The following SPTB variants were observed in gnomAD, a reference collection of about 807,000 sequenced individuals.
The protein encoded by SPTB is spectrin beta chain, erythrocytic.
Under a neutral mutation model 256.2 loss-of-function variants are expected in SPTB, and 45 were observed. The ratio of observed to expected loss-of-function variants is 0.18; its 90% confidence interval spans 0.14 to 0.23. The LOEUF is 0.23. Ranked by LOEUF, SPTB falls within the 10% of genes least tolerant of loss-of-function variation. The pLI, the probability that SPTB is intolerant of heterozygous loss-of-function variation, is 1.00. For missense variants in SPTB, 2,715 were observed against 3,040.4 expected (o/e 0.89, Z 2.52); for synonymous variants, 1,231 against 1,243.1 (o/e 0.99, Z 0.21).
At position 64,775,238 on chromosome 14, in the gene SPTB, G is replaced by A. The variant is rs764330204; in HGVS notation, c.4729C>T (p.Leu1577=). 2 of 1,613,678 alleles carry A rather than the reference G, an allele frequency of 1.2e-6. No homozygotes were observed. The highest frequency in any genetic ancestry group is 1.1e-5 in the South Asian group (1 of 91,086). Residue 1577 remains leucine (L), a synonymous_variant, in exon 23 of 36, where the codon CTG becomes TTG. Coordinates refer to ENST00000644917, the MANE Select transcript of SPTB (RefSeq NM_001355436.2). The surrounding 1 kb of genome is among the most constrained non-coding windows in gnomAD (Gnocchi z 5.0). ...TCGTTGGCGTCCCTCAGTCGCTGCA[G>A]CCTCCCGGCCGCTGCCTCCCGCAGC... is the stretch of plus-strand genomic sequence containing the variant. ...DRLREAAAGR[L]QRLRDANEAQ...
chr14:64,870,056 G>A (rs1882437705), intron 1 of SPTB, among the ~76,000 whole-genome samples: 1 of 152,018 alleles, frequency 6.6e-6, no homozygotes, highest in African/African-American at 2.4e-5. Context: ...CAAGAAGCTT[G>A]AACTAACAGT....
intron 2 of SPTB, among the ~76,000 whole-genome samples, chr14:64,805,904 C>T (rs922126260): frequency 8.5e-5 from 13 of 152,110 alleles, no homozygotes; most frequent in African/African-American, 3.1e-4. Flanking sequence ...GGGCTGTCTG[C>T]GGCTTTACGC....
chr14:64,813,177 T>C (rs1317561171), intron 2 of SPTB, among the ~76,000 whole-genome samples: 2 of 152,236 alleles, frequency 1.3e-5, no homozygotes, highest in Non-Finnish European at 2.9e-5. Context: ...TGGGCATATA[T>C]TGGTTTTATA....
At position 64,795,044 on chromosome 14, in the gene SPTB, A is replaced by G. The variant is rs17102113; in HGVS notation, c.1644+293T>C. On this transcript the variant is annotated intron_variant, in intron 12 of 35. Transcript: ENST00000644917. The surrounding 1 kb of genome is among the most constrained non-coding windows in gnomAD (Gnocchi z 6.5). Reference sequence around the variant, plus strand: ...AAGAGCTTGATTCTCCAGGTTCCTGATTAATGTCTGTCTCTTCAAGGCCCT... The same window carrying G: ...AAGAGCTTGATTCTCCAGGTTCCTGGTTAATGTCTGTCTCTTCAAGGCCCT... 0.043 allele frequency among the ~76,000 whole-genome samples: 6,493 copies of G among 152,270 alleles called. 164 individuals carry two copies. Among genetic ancestry groups the G allele is most frequent in the South Asian group, 0.093 (447 of 4,816 alleles).
At chr14:64,830,364 AT>A (rs1566791669) in intron 1 of SPTB, among the ~76,000 whole-genome samples, 134 of 139,198 alleles carry the variant, frequency 9.6e-4, no homozygotes, top group African/African-American at 3.7e-3. Flanking sequence ...TATTATTATT[AT>A]TATTATTATT....
chr14:64,765,025 C>T (rs577356933), intron 32 of SPTB, among the ~76,000 whole-genome samples: 5,727 of 117,888 alleles, frequency 0.049, 201 homozygotes, highest in African/African-American at 0.095. Context: ...GGAGTGTGTG[C>T]GTGTGTGTGT....
At position 64,866,066 on chromosome 14, in the gene SPTB, A is replaced by G. The variant is rs1169178730; in HGVS notation, c.-52+13726T>C. 6.6e-6 allele frequency among the ~76,000 whole-genome samples: 1 copy of G among 152,238 alleles called. No homozygotes were observed. Among genetic ancestry groups the G allele is most frequent in the Non-Finnish European group, 1.5e-5 (1 of 68,042 alleles). On this transcript the variant is annotated intron_variant, in intron 1 of 35. Transcript: ENST00000644917. The surrounding 1 kb of genome is among the most constrained non-coding windows in gnomAD (Gnocchi z 4.6). Reference sequence around the variant, plus strand: ...AAAACAGAGACCATGGTGTGGCTAAAATACCACAAAGTAAAACATCTATGA... The same window carrying G: ...AAAACAGAGACCATGGTGTGGCTAAGATACCACAAAGTAAAACATCTATGA...
chr14:64,767,925 C>T, intron 29 of SPTB, 66 bp from the exon 30 acceptor site: 2 of 1,566,440 alleles, frequency 1.3e-6, no homozygotes, highest in Admixed American at 3.5e-5. Flanking sequence ...CAATCGTTCA[C>T]TCCTGATTGG....
At position 64,787,416 on chromosome 14, in the gene SPTB, C is replaced by T. The variant is rs1242617910; in HGVS notation, c.2805-256G>A. ...GGGCAATTAATTATGTGACTCCAACCATAAGTAAAGGAACATGAAAGCAAA... is the reference window on the plus strand; with the variant it reads ...GGGCAATTAATTATGTGACTCCAACTATAAGTAAAGGAACATGAAAGCAAA... On this transcript the variant is annotated intron_variant, in intron 15 of 35. Transcript: ENST00000644917. Among the ~76,000 whole-genome samples, 6 of 152,274 alleles carry T rather than the reference C, an allele frequency of 3.9e-5. No individual in the cohort carries two copies. In the South Asian group the frequency reaches 8.3e-4, roughly 21 times the overall value.
chr14:64,774,255 C>G, intron 24 of SPTB, 142 bp downstream of exon 24: 1 of 1,165,050 alleles, frequency 8.6e-7, no homozygotes, highest in Non-Finnish European at 1.2e-6. Context: ...GGATCCATCA[C>G]CAGTCCCGCA....
At chr14:64,804,789 A>C (rs544061866) in intron 3 of SPTB, 150 bp downstream of exon 3, 27 of 1,032,130 alleles carry the variant, frequency 2.6e-5, no homozygotes, top group Non-Finnish European at 3.9e-5. Context: ...AGTCAGCCAC[A>C]CGGATGCTTC....
chr14:64,769,865 G>A (rs1315339025), intron 27 of SPTB, 137 bp from the exon 28 acceptor site: 3 of 1,181,490 alleles, frequency 2.5e-6, no homozygotes, highest in South Asian at 2.6e-5. Flanking sequence ...GGCCAGCCAG[G>A]GGGTCCTCCG....
intron 2 of SPTB, among the ~76,000 whole-genome samples, chr14:64,817,603 G>A (rs762070): frequency 0.034 from 5,238 of 152,314 alleles, 117 homozygotes; most frequent in Non-Finnish European, 0.052. Context: ...ACTGATGCCC[G>A]TCCACGGGGG....
rs534645063 is a variant in SPTB, at chr14:64,759,782, G to C, written c.6346-5989C>G. Among the ~76,000 whole-genome samples, 43 of 152,340 alleles carry C rather than the reference G, an allele frequency of 2.8e-4. No homozygotes were observed. The highest frequency in any genetic ancestry group is 9.4e-4 in the African/African-American group (39 of 41,578). On this transcript the variant is annotated intron_variant, in intron 32 of 35. Transcript: ENST00000644917. This position sits in a 1 kb window ranked among gnomAD's most constrained non-coding sequence, Gnocchi z 4.8. ...GTACCACTGAGGGCTGCCACCCACC[G>C]GAGCAGGGGACACTCTGAAGGAAGA...
chr14:64,784,982 A>G (rs1286953599), intron 18 of SPTB, among the ~76,000 whole-genome samples: 1 of 152,228 alleles, frequency 6.6e-6, no homozygotes, highest in African/African-American at 2.4e-5. Flanking sequence ...CTTCTGAGCT[A>G]GCAGTTTTCC....
At chr14:64,851,463 T>C (rs756401986) in intron 1 of SPTB, among the ~76,000 whole-genome samples, 3 of 151,526 alleles carry the variant, frequency 2.0e-5, no homozygotes, top group Non-Finnish European at 4.4e-5. Context: ...GCAGTAGCAG[T>C]AGTAGTAGTA....
Position 64,792,978 on chromosome 14 carries a change from A to G in SPTB, c.2666+19T>C. On this transcript the variant is annotated intron_variant, in intron 14 of 35. Transcript: ENST00000644917. This position sits in a 1 kb window ranked among gnomAD's most constrained non-coding sequence, Gnocchi z 4.2. ...GGCCTGGGTACAGGGACGTGAGGAAAAGATGAGTTAACTCTGACCTGTGCT... is the reference window on the plus strand; with the variant it reads ...GGCCTGGGTACAGGGACGTGAGGAAGAGATGAGTTAACTCTGACCTGTGCT... 6.2e-7 allele frequency: 1 copy of G among 1,613,810 alleles called. No individual in the cohort carries two copies.
At chr14:64,860,885 T>G (rs1338882065) in intron 1 of SPTB, among the ~76,000 whole-genome samples, 1 of 152,188 alleles carries the variant, frequency 6.6e-6, no homozygotes, top group Non-Finnish European at 1.5e-5. Context: ...CCTATAGGAA[T>G]ATAAATCATT....
At chr14:64,782,160 T>G in intron 20 of SPTB, 130 bp downstream of exon 20, 2 of 1,328,640 alleles carry the variant, frequency 1.5e-6, no homozygotes, top group Non-Finnish European at 2.1e-6. Flanking sequence ...TAAACCCCCA[T>G]GACATGTGTT....
Sources: allele counts gnomAD v4.1 joint callset (sites outside exome capture counted in the v4.1 genomes callset), GRCh38; gene constraint gnomAD v4.1.1; non-coding constraint Gnocchi (gnomAD v3.1); transcripts MANE v1.5; gene names NCBI Gene and HGNC (gene_info 2026-07-23, HGNC 2026-07-21).